The following NELL1 variants were observed in gnomAD, a reference collection of about 807,000 sequenced individuals.
NELL1 encodes neural EGFL like 1, also known as protein kinase C-binding protein NELL1.
Under a neutral mutation model 107.4 loss-of-function variants are expected in NELL1, and 76 were observed. The observed-to-expected ratio is 0.71, with a 90% confidence interval of 0.59 to 0.86. NELL1 has a LOEUF of 0.86. Ranked by LOEUF, NELL1 falls within the 40% of genes least tolerant of loss-of-function variation. The pLI, the probability that NELL1 is intolerant of heterozygous loss-of-function variation, is 0.00. For synonymous variants in NELL1, 353 were observed against 341.2 expected, an observed-to-expected ratio of 1.03 and a Z score of -0.38; for missense variants, 1,024 against 1,005.5, an observed-to-expected ratio of 1.02 and a Z score of -0.25.
chr11:21,464,402 CAA>C (rs60770584), intron 15 of NELL1, among the ~76,000 whole-genome samples: 15,591 of 135,998 alleles, frequency 0.11, 1,162 homozygotes, highest in East Asian at 0.27. Flanking sequence ...ATGTCCGTGG[CAA>C]AAAAAAAAAA....
chr11:21,178,322 CA>C (rs1472547532), intron 13 of NELL1, among the ~76,000 whole-genome samples: 1 of 151,830 alleles, frequency 6.6e-6, no homozygotes, highest in African/African-American at 2.4e-5. Context: ...TCTAATTGAA[CA>C]GATGAAATTA....
Position 21,480,458 on chromosome 11 carries a change from C to A in NELL1, c.1646-53916C>A, listed in dbSNP as rs549688886. 2.6e-5 allele frequency among the ~76,000 whole-genome samples: 4 copies of A among 152,234 alleles called. No homozygotes were observed. The South Asian group carries it at 8.3e-4, about 32-fold the overall frequency. On this transcript the variant is annotated intron_variant, in intron 15 of 19. Coordinates refer to ENST00000357134, the MANE Select transcript of NELL1 (RefSeq NM_006157.5). Reference sequence around the variant, plus strand: ...AGAACCTGACTGTCTCACAACCTGGCAGATCCTTTCAGAAGTGAAGCTATT... The same window carrying A: ...AGAACCTGACTGTCTCACAACCTGGAAGATCCTTTCAGAAGTGAAGCTATT...
intron 13 of NELL1, among the ~76,000 whole-genome samples, chr11:21,131,887 G>A (rs891804944): frequency 1.1e-4 from 16 of 152,234 alleles, no homozygotes; most frequent in African/African-American, 3.9e-4. Flanking sequence ...CTATTGACTT[G>A]TGACTTGGAA....
intron 15 of NELL1, among the ~76,000 whole-genome samples, chr11:21,433,902 C>T (rs1003606328): frequency 2.0e-5 from 3 of 151,956 alleles, no homozygotes; most frequent in Non-Finnish European, 4.4e-5. Context: ...CTCGAACTCC[C>T]GGCCTCAGGT....
At chr11:20,734,753 G>T (rs1396366912) in intron 2 of NELL1, among the ~76,000 whole-genome samples, 1 of 152,158 alleles carries the variant, frequency 6.6e-6, no homozygotes, top group Non-Finnish European at 1.5e-5. Context: ...TTGGGCTGGA[G>T]GTGTATTTCT....
At chr11:21,569,957 A>C (rs922367149) in intron 17 of NELL1, among the ~76,000 whole-genome samples, 1 of 151,848 alleles carries the variant, frequency 6.6e-6, no homozygotes, top group Admixed American at 6.6e-5. Flanking sequence ...TCTTACCTTA[A>C]ATTTTCAGCA....
At chr11:21,101,711 T>C (rs1280794251) in intron 12 of NELL1, among the ~76,000 whole-genome samples, 2 of 152,146 alleles carry the variant, frequency 1.3e-5, no homozygotes, top group East Asian at 3.9e-4. Flanking sequence ...GTAAGTTTGT[T>C]TGAGTTCATT....
chr11:21,507,968 A>G (rs1346589368), intron 15 of NELL1, among the ~76,000 whole-genome samples: 1 of 151,892 alleles, frequency 6.6e-6, no homozygotes, highest in African/African-American at 2.4e-5. Flanking sequence ...TTTAGTAGAG[A>G]TGAGGGTTTC....
intron 15 of NELL1, among the ~76,000 whole-genome samples, chr11:21,468,457 A>G (rs1291358644): frequency 6.6e-6 from 1 of 152,090 alleles, no homozygotes; most frequent in African/African-American, 2.4e-5. Context: ...TAAGTTGGCA[A>G]TAAAAAGACT....
At chr11:21,436,620 A>G (rs1334665184) in intron 15 of NELL1, among the ~76,000 whole-genome samples, 1 of 152,046 alleles carries the variant, frequency 6.6e-6, no homozygotes, top group African/African-American at 2.4e-5. Context: ...ATATATTTTA[A>G]GTATCTATTT....
intron 15 of NELL1, among the ~76,000 whole-genome samples, chr11:21,445,520 ATGTG>A (rs1455049080): frequency 2.0e-5 from 3 of 151,658 alleles, no homozygotes; most frequent in Non-Finnish European, 4.4e-5. Context: ...TTTTTAGTAG[ATGTG>A]TGTTTTCTCC....
intron 15 of NELL1, among the ~76,000 whole-genome samples, chr11:21,456,719 A>T (rs1853753271): frequency 6.6e-6 from 1 of 152,194 alleles, no homozygotes; most frequent in African/African-American, 2.4e-5. Context: ...AGATTAAAAA[A>T]TACTACGAAA....
chr11:20,712,170 T>G (rs2133897176), intron 2 of NELL1, among the ~76,000 whole-genome samples: 1 of 152,264 alleles, frequency 6.6e-6, no homozygotes, highest in Non-Finnish European at 1.5e-5. Context: ...TTCTTTGTTT[T>G]TATCTGATTG....
intron 16 of NELL1, among the ~76,000 whole-genome samples, chr11:21,550,683 C>G (rs1456358132): frequency 6.6e-6 from 1 of 152,054 alleles, no homozygotes; most frequent in Non-Finnish European, 1.5e-5. Flanking sequence ...GGGCTCTGTT[C>G]TGTTCCATTG....
intron 13 of NELL1, among the ~76,000 whole-genome samples, chr11:21,206,748 A>T (rs1407874387): frequency 1.3e-5 from 2 of 152,048 alleles, no homozygotes; most frequent in Non-Finnish European, 2.9e-5. Flanking sequence ...TTTGTCCCTC[A>T]TCTTATTTCA....
chr11:20,681,452 C>A (rs1398749611), intron 2 of NELL1, among the ~76,000 whole-genome samples: 1 of 152,054 alleles, frequency 6.6e-6, no homozygotes, highest in African/African-American at 2.4e-5. Context: ...CCTTTTATGT[C>A]TTTGCTGGGA....
At chr11:21,280,012 A>G (rs1412243792) in intron 14 of NELL1, among the ~76,000 whole-genome samples, 1 of 152,144 alleles carries the variant, frequency 6.6e-6, no homozygotes, top group African/African-American at 2.4e-5. Flanking sequence ...AAAAGGCAAA[A>G]CTATGAAGAC....
intron 14 of NELL1, among the ~76,000 whole-genome samples, chr11:21,294,569 A>G (rs981304589): frequency 6.6e-6 from 1 of 152,070 alleles, no homozygotes; most frequent in Non-Finnish European, 1.5e-5. Context: ...ATGATGTCAT[A>G]TGTTGTTCTA....
intron 14 of NELL1, among the ~76,000 whole-genome samples, chr11:21,368,979 C>T (rs953958977): frequency 6.6e-6 from 1 of 152,000 alleles, no homozygotes; most frequent in East Asian, 1.9e-4. Context: ...ATCTCGTGCT[C>T]TCCTCATAAA....
Sources: allele counts gnomAD v4.1 joint callset (sites outside exome capture counted in the v4.1 genomes callset), GRCh38; gene constraint gnomAD v4.1.1; transcripts MANE v1.5; gene names NCBI Gene and HGNC (gene_info 2026-07-23, HGNC 2026-07-21).